ADAMTS17: variants seen among roughly 807,000 people sequenced by gnomAD.
ADAMTS17 encodes the protein ADAM metallopeptidase with thrombospondin type 1 motif 17, also known as A disintegrin and metalloproteinase with thrombospondin motifs 17.
Under a neutral mutation model 141.5 loss-of-function variants are expected in ADAMTS17, and 113 were observed. That is an observed-to-expected ratio of 0.80 (90% CI 0.69 to 0.93). The LOEUF is 0.93. Among genes scored for constraint, ADAMTS17 ranks in the 40% least tolerant of loss-of-function variants. ADAMTS17 has a pLI of 0.00. For missense variants in ADAMTS17, 1,659 were observed against 1,517.9 expected (o/e 1.09, Z -1.54); for synonymous variants, 768 against 630.6 (o/e 1.22, Z -3.27).
chr15:100,299,418 T>C (rs74039218), intron 3 of ADAMTS17, among the ~76,000 whole-genome samples: 15,429 of 151,162 alleles, frequency 0.1, 1,245 homozygotes, highest in East Asian at 0.31. Context: ...AGAATTATCA[T>C]GATTCTCACC....
chr15:100,326,674 C>G (rs1349825621), intron 3 of ADAMTS17, among the ~76,000 whole-genome samples: 1 of 152,186 alleles, frequency 6.6e-6, no homozygotes, highest in Non-Finnish European at 1.5e-5. Context: ...CACATGAGTA[C>G]TGGCACCTAC....
At chr15:100,032,188 C>G (rs375612482) in intron 18 of ADAMTS17, among the ~76,000 whole-genome samples, 23 of 152,264 alleles carry the variant, frequency 1.5e-4, no homozygotes, top group African/African-American at 5.5e-4. Flanking sequence ...ACTTGCATCA[C>G]TGGTTACTTG....
intron 7 of ADAMTS17, among the ~76,000 whole-genome samples, chr15:100,205,618 C>T (rs1567349931): frequency 6.6e-6 from 1 of 152,108 alleles, no homozygotes; most frequent in African/African-American, 2.4e-5. Flanking sequence ...GCCCTGATGC[C>T]CACCAGAAAT....
chr15:100,116,723 G>A, intron 13 of ADAMTS17, 124 bp downstream of exon 13: 1 of 1,341,936 alleles, frequency 7.5e-7, no homozygotes, highest in East Asian at 2.3e-5. Context: ...GAGCTGGGCA[G>A]AGGACTGGAG....
intron 18 of ADAMTS17, among the ~76,000 whole-genome samples, chr15:100,027,099 A>G (rs141121405): frequency 6.6e-6 from 1 of 152,356 alleles, no homozygotes; most frequent in East Asian, 1.9e-4. Context: ...CGGGAGGTGC[A>G]GAAGTACTCA....
At chr15:99,999,299 G>A (rs115690726) in intron 18 of ADAMTS17, among the ~76,000 whole-genome samples, 412 of 152,254 alleles carry the variant, frequency 2.7e-3, no homozygotes, top group African/African-American at 9.4e-3. Context: ...ATTAGAGACC[G>A]TAACACACAG....
chr15:100,226,599 C>T (rs2042320961), intron 7 of ADAMTS17, among the ~76,000 whole-genome samples: 1 of 152,214 alleles, frequency 6.6e-6, no homozygotes, highest in Non-Finnish European at 1.5e-5. Context: ...GTAACTCTCT[C>T]ACTGCATTTG....
At chr15:100,061,312 G>C (rs1464554918) in intron 15 of ADAMTS17, among the ~76,000 whole-genome samples, 1 of 152,190 alleles carries the variant, frequency 6.6e-6, no homozygotes, top group Admixed American at 6.5e-5. Flanking sequence ...TGAAGCTTCA[G>C]CTTGCCCCTC....
chr15:100,331,683 C>T (rs1188483805), intron 2 of ADAMTS17, among the ~76,000 whole-genome samples: 3 of 152,116 alleles, frequency 2.0e-5, no homozygotes, highest in Non-Finnish European at 4.4e-5. Flanking sequence ...TCCCGAACTG[C>T]CTTTGATCGC....
At chr15:100,102,869 C>A (rs2036202909) in intron 14 of ADAMTS17, among the ~76,000 whole-genome samples, 1 of 152,130 alleles carries the variant, frequency 6.6e-6, no homozygotes, top group Non-Finnish European at 1.5e-5. Context: ...TGCCGATGCA[C>A]CCTCGGACTT....
At chr15:100,284,763 A>C (rs1402387434) in intron 3 of ADAMTS17, among the ~76,000 whole-genome samples, 1 of 152,244 alleles carries the variant, frequency 6.6e-6, no homozygotes, top group African/African-American at 2.4e-5. Flanking sequence ...AATATGCTTG[A>C]TAATGCTGCA....
At chr15:100,032,819 G>A (rs1398380412) in intron 18 of ADAMTS17, among the ~76,000 whole-genome samples, 5 of 152,188 alleles carry the variant, frequency 3.3e-5, no homozygotes, top group Non-Finnish European at 7.3e-5. Flanking sequence ...TCTGTAAAAT[G>A]AGGTGAATAC....
At chr15:100,280,140 G>A (rs1031347463) in intron 4 of ADAMTS17, among the ~76,000 whole-genome samples, 5 of 152,102 alleles carry the variant, frequency 3.3e-5, no homozygotes, top group East Asian at 1.9e-4. Flanking sequence ...CAAGACATCT[G>A]TCCTGATTTC....
At chr15:100,045,983 C>A (rs1371119907) in intron 18 of ADAMTS17, among the ~76,000 whole-genome samples, 1 of 152,148 alleles carries the variant, frequency 6.6e-6, no homozygotes, top group Non-Finnish European at 1.5e-5. Context: ...CAGGTTCAAG[C>A]AATTCTCCTG....
chr15:99,990,945 T>C (rs903713109), intron 20 of ADAMTS17, among the ~76,000 whole-genome samples: 3 of 152,166 alleles, frequency 2.0e-5, no homozygotes, highest in Non-Finnish European at 4.4e-5. Context: ...TAATACCCGG[T>C]GTTGGGAAAA....
At chr15:100,314,027 A>T (rs1193856116) in intron 3 of ADAMTS17, among the ~76,000 whole-genome samples, 2 of 146,074 alleles carry the variant, frequency 1.4e-5, no homozygotes, top group Non-Finnish European at 3.0e-5. Flanking sequence ...AAACCACCCC[A>T]AACGTCACCA....
Position 100,155,246 on chromosome 15 carries a change from T to C in ADAMTS17, c.1256A>G (p.Lys419Arg). 6.2e-7 allele frequency: 1 copy of C among 1,614,188 alleles called. No individual in the cohort carries two copies. Among genetic ancestry groups the C allele is most frequent in the Non-Finnish European group, 8.5e-7 (1 of 1,180,042 alleles). The change falls in exon 9 of 22, where the codon AAA (lysine) becomes AGA (arginine). Residue 419 changes from lysine to arginine, a missense_variant. Physicochemically the swap from Lys to Arg is conservative, Grantham distance 26. Coordinates refer to ENST00000268070, the MANE Select transcript of ADAMTS17 (RefSeq NM_139057.4). ...RSHIMSGEWVKGRNPSDLSWS... is the reference protein window; with the variant it reads ...RSHIMSGEWVRGRNPSDLSWS... The stretch of plus-strand genomic sequence containing the variant: ...AGAGAGGTCACTTGGGTTCCGGCCT[T>C]TCACCCACTCTCCTGACATGATGTG...
At chr15:100,247,999 A>G (rs978685268) in intron 7 of ADAMTS17, among the ~76,000 whole-genome samples, 1 of 152,058 alleles carries the variant, frequency 6.6e-6, no homozygotes, top group Non-Finnish European at 1.5e-5. Context: ...TATCAGTGCC[A>G]GGGGTGACGC....
chr15:100,227,219 T>TA (rs2042338150), intron 7 of ADAMTS17, among the ~76,000 whole-genome samples: 1 of 152,178 alleles, frequency 6.6e-6, no homozygotes, highest in Admixed American at 6.5e-5. Context: ...TCTCACAGGC[T>TA]AAAGTCAAAC....
Sources: gnomAD v4.1 joint callset for allele counts (sites outside exome capture counted in the v4.1 genomes callset) on GRCh38, gnomAD v4.1.1 for gene constraint, MANE v1.5 for transcripts, NCBI Gene and HGNC (gene_info 2026-07-23, HGNC 2026-07-21) for gene names.